Variants in NTRK2 observed in about 807,000 individuals in gnomAD.
NTRK2 encodes the protein BDNF/NT-3 growth factors receptor.
Under a neutral mutation model 94.5 loss-of-function variants are expected in NTRK2, and 13 were observed. That is an observed-to-expected ratio of 0.14 (90% CI 0.09 to 0.22). The LOEUF is 0.22. Among genes scored for constraint, NTRK2 ranks in the 10% least tolerant of loss-of-function variants. NTRK2 has a pLI of 1.00. For synonymous variants in NTRK2, 372 were observed against 407.4 expected, an observed-to-expected ratio of 0.91 and a Z score of 1.05; for missense variants, 639 against 1,071.2, an observed-to-expected ratio of 0.60 and a Z score of 5.63.
At chr9:84,999,939 G>A (rs11140823) in intron 17 of NTRK2, among the ~76,000 whole-genome samples, 2,080 of 152,228 alleles carry the variant, frequency 0.014, 30 homozygotes, top group Middle Eastern at 0.041. Context: ...GCAAATGATG[G>A]CGAAAGCACA....
rs549297234 is a variant in NTRK2 at position 84,937,057 on chromosome 9, G to T, written c.1764+2765G>T. Among the ~76,000 whole-genome samples, 16 of 152,244 alleles carry T rather than the reference G, an allele frequency of 1.1e-4. 1 individual carries two copies. The South Asian group carries it at 3.1e-3, about 30-fold the overall frequency. Reference sequence around the variant, plus strand: ...TCACAGAGCTGTCACTCGCCAGCCTGACCTGCTCATTTTTAGGGCTTTAGG... The same window carrying T: ...TCACAGAGCTGTCACTCGCCAGCCTTACCTGCTCATTTTTAGGGCTTTAGG... On this transcript the variant is annotated intron_variant, in intron 15 of 18. Transcript: ENST00000277120.
chr9:84,766,796 A>G (rs1453514487), intron 12 of NTRK2, among the ~76,000 whole-genome samples: 2 of 152,020 alleles, frequency 1.3e-5, no homozygotes, highest in Non-Finnish European at 2.9e-5. Flanking sequence ...CATAACATGC[A>G]CATTCACCAC....
intron 2 of NTRK2, among the ~76,000 whole-genome samples, chr9:84,678,233 C>T (rs2059178166): frequency 6.6e-6 from 1 of 152,152 alleles, no homozygotes; most frequent in Non-Finnish European, 1.5e-5. Flanking sequence ...TTCTGGATGT[C>T]CCTTGGCCAG....
intron 12 of NTRK2, among the ~76,000 whole-genome samples, chr9:84,859,740 A>G (rs1056618136): frequency 6.6e-6 from 1 of 152,246 alleles, no homozygotes; most frequent in Non-Finnish European, 1.5e-5. Flanking sequence ...GACCAGTGGG[A>G]AAATACACTT....
At chr9:84,882,153 C>T (rs552171285) in intron 14 of NTRK2, among the ~76,000 whole-genome samples, 2 of 152,114 alleles carry the variant, frequency 1.3e-5, no homozygotes, top group East Asian at 3.9e-4. Context: ...GTGCCCGTCT[C>T]TCTGTCTAGC....
intron 14 of NTRK2, among the ~76,000 whole-genome samples, chr9:84,909,487 T>C (rs1284411724): frequency 2.0e-5 from 3 of 152,086 alleles, no homozygotes; most frequent in Non-Finnish European, 4.4e-5. Context: ...TTTAGTTGTT[T>C]TTTTTTTAAG....
At chr9:84,673,355 A>G (rs576880371) in intron 2 of NTRK2, among the ~76,000 whole-genome samples, 1 of 152,304 alleles carries the variant, frequency 6.6e-6, no homozygotes, top group South Asian at 2.1e-4. Flanking sequence ...ATTCTTGTCC[A>G]GTGGATACCA....
chr9:84,742,168 C>T (rs557481936), intron 10 of NTRK2, among the ~76,000 whole-genome samples: 28 of 152,294 alleles, frequency 1.8e-4, no homozygotes, highest in African/African-American at 5.8e-4. Context: ...GAATCCATTC[C>T]GCTGGCTGTA....
intron 4 of NTRK2, among the ~76,000 whole-genome samples, chr9:84,704,573 C>T (rs1377936154): frequency 1.3e-5 from 2 of 152,152 alleles, no homozygotes; most frequent in Non-Finnish European, 2.9e-5. Flanking sequence ...TCAAATATCT[C>T]TCCCTAGCTT....
intron 12 of NTRK2, among the ~76,000 whole-genome samples, chr9:84,769,818 G>T (rs7025861): frequency 6.6e-6 from 1 of 151,984 alleles, no homozygotes; most frequent in African/African-American, 2.4e-5. Flanking sequence ...ATTTTATACT[G>T]TCAGGAAGTA....
At chr9:84,871,061 AT>A (rs984710468) in intron 14 of NTRK2, among the ~76,000 whole-genome samples, 8 of 152,158 alleles carry the variant, frequency 5.3e-5, no homozygotes, top group African/African-American at 1.9e-4. Context: ...GGAACGAGAG[AT>A]CTCTTGAAAA....
intron 11 of NTRK2, among the ~76,000 whole-genome samples, chr9:84,748,286 A>T (rs10116453): frequency 0.77 from 117,288 of 152,200 alleles, 45,367 homozygotes; most frequent in East Asian, 0.89. Context: ...TTGAGGAAGT[A>T]ATTCTTTTCA....
chr9:84,864,057 G>T (rs1188117501), intron 13 of NTRK2, among the ~76,000 whole-genome samples: 1 of 152,158 alleles, frequency 6.6e-6, no homozygotes, highest in Non-Finnish European at 1.5e-5. Context: ...TTAAGTGAGG[G>T]CTTCGCTGTG....
chr9:84,779,201 A>T (rs532219080), intron 12 of NTRK2, among the ~76,000 whole-genome samples: 43 of 152,362 alleles, frequency 2.8e-4, no homozygotes, highest in Middle Eastern at 3.4e-3. Context: ...ATAGGTGCTC[A>T]TTCTGAAGGC....
Position 84,830,574 on chromosome 9 carries a change from A to G in NTRK2, c.1397-30466A>G, listed in dbSNP as rs545419625. On this transcript the variant is annotated intron_variant, in intron 12 of 18. Coordinates refer to ENST00000277120, the MANE Select transcript of NTRK2 (RefSeq NM_006180.6). Reference sequence around the variant, plus strand: ...GTGTGTGTGTGTGTGATTTTGGCTTAATTTTTCTTTCTTTGAACTGTTCTT... The same window carrying G: ...GTGTGTGTGTGTGTGATTTTGGCTTGATTTTTCTTTCTTTGAACTGTTCTT... Among the ~76,000 whole-genome samples, 14 of 151,526 alleles carry G rather than the reference A, an allele frequency of 9.2e-5. No homozygotes were observed. In the East Asian group the frequency reaches 2.7e-3, roughly 29 times the overall value.
intron 9 of NTRK2, among the ~76,000 whole-genome samples, chr9:84,731,482 C>T (rs911388307): frequency 1.3e-5 from 2 of 152,092 alleles, no homozygotes; most frequent in Non-Finnish European, 2.9e-5. Flanking sequence ...CTAAGATTTC[C>T]ATGGGATGGT....
At chr9:84,741,168 C>A (rs1198715826) in intron 9 of NTRK2, among the ~76,000 whole-genome samples, 2 of 152,070 alleles carry the variant, frequency 1.3e-5, no homozygotes, top group Admixed American at 6.6e-5. Context: ...TTTGGCAAGT[C>A]TCATAGGAAT....
chr9:84,677,736 A>G (rs1350009784), intron 2 of NTRK2, among the ~76,000 whole-genome samples: 1 of 152,166 alleles, frequency 6.6e-6, no homozygotes, highest in East Asian at 1.9e-4. Context: ...GGAGAGGTCT[A>G]GAGATTTGAA....
At chr9:84,707,737 T>A in intron 4 of NTRK2, 107 bp from the exon 5 acceptor site, 1 of 878,124 alleles carries the variant, frequency 1.1e-6, no homozygotes, top group Non-Finnish European at 1.9e-6. Context: ...AAAGCTTATA[T>A]AATGATCAAA....
Sources: gnomAD v4.1 joint callset for allele counts (sites outside exome capture counted in the v4.1 genomes callset) on GRCh38, gnomAD v4.1.1 for gene constraint, MANE v1.5 for transcripts, NCBI Gene and HGNC (gene_info 2026-07-23, HGNC 2026-07-21) for gene names.